ELMO1: variants seen among roughly 807,000 people sequenced by gnomAD.
ELMO1 encodes the protein engulfment and cell motility 1.
A neutral mutation model predicts 98.9 loss-of-function variants in ELMO1; 26 were observed. The observed-to-expected ratio is 0.26, with a 90% confidence interval of 0.19 to 0.36. The LOEUF (loss-of-function observed/expected upper bound fraction) is 0.36, where lower values mean the gene tolerates loss of function less well. Among genes scored for constraint, ELMO1 ranks in the 10% least tolerant of loss-of-function variants. ELMO1 has a pLI of 1.00. For synonymous variants in ELMO1, 346 were observed against 346.0 expected (o/e 1.00, Z 0.00); for missense variants, 627 against 935.2 (o/e 0.67, Z 4.30).
At chr7:37,192,813 A>T (rs1033231752) in intron 13 of ELMO1, among the ~76,000 whole-genome samples, 1 of 147,346 alleles carries the variant, frequency 6.8e-6, no homozygotes, top group Non-Finnish European at 1.5e-5. Flanking sequence ...AAAAAAAAAA[A>T]ATGTGTGTGT....
At chr7:37,384,479 G>A (rs1802709006) in intron 1 of ELMO1, among the ~76,000 whole-genome samples, 1 of 152,144 alleles carries the variant, frequency 6.6e-6, no homozygotes, top group Non-Finnish European at 1.5e-5. Flanking sequence ...CCAGCACTTT[G>A]GGAGGCCGAG....
At chr7:36,934,756 C>T (rs909737428) in intron 16 of ELMO1, among the ~76,000 whole-genome samples, 3 of 152,116 alleles carry the variant, frequency 2.0e-5, no homozygotes, top group Non-Finnish European at 4.4e-5. Context: ...TCTGGTGACA[C>T]TAGAGAAAGC....
intron 4 of ELMO1, among the ~76,000 whole-genome samples, chr7:37,276,559 C>T (rs189553035): frequency 1.6e-4 from 24 of 152,198 alleles, no homozygotes; most frequent in African/African-American, 5.8e-4. Context: ...TGCAGTGAGC[C>T]GAGATTACGC....
At chr7:36,982,073 C>A (rs1316596960) in intron 16 of ELMO1, among the ~76,000 whole-genome samples, 1 of 152,154 alleles carries the variant, frequency 6.6e-6, no homozygotes, top group African/African-American at 2.4e-5. Flanking sequence ...TGTGACTGTG[C>A]AGCTGAATTG....
intron 2 of ELMO1, among the ~76,000 whole-genome samples, chr7:37,337,569 G>T (rs1470519132): frequency 1.3e-5 from 2 of 150,762 alleles, no homozygotes; most frequent in Non-Finnish European, 2.9e-5. Context: ...TGGGGGTTGG[G>T]ATAAGCTGAA....
intron 2 of ELMO1, among the ~76,000 whole-genome samples, chr7:37,337,216 A>T (rs1026557282): frequency 2.6e-5 from 4 of 152,234 alleles, no homozygotes; most frequent in African/African-American, 9.6e-5. Flanking sequence ...AATACTATGC[A>T]GCCATAAAAA....
intron 13 of ELMO1, among the ~76,000 whole-genome samples, chr7:37,178,621 G>GAA (rs11402394): frequency 0.085 from 12,855 of 151,384 alleles, 1,041 homozygotes; most frequent in African/African-American, 0.2. Flanking sequence ...TTTTTAATTA[G>GAA]AAAAAAAACA....
intron 1 of ELMO1, among the ~76,000 whole-genome samples, chr7:37,347,572 T>C (rs1801067595): frequency 6.6e-6 from 1 of 152,140 alleles, no homozygotes; most frequent in Non-Finnish European, 1.5e-5. Context: ...ATCTGATGGC[T>C]TTATAAGGGG....
At chr7:37,171,245 A>G (rs553046222) in intron 13 of ELMO1, among the ~76,000 whole-genome samples, 33 of 152,188 alleles carry the variant, frequency 2.2e-4, no homozygotes, top group African/African-American at 6.0e-4. Context: ...GATACACTCA[A>G]TTCCTTCCTA....
intron 15 of ELMO1, among the ~76,000 whole-genome samples, chr7:37,074,803 G>A (rs1470792884): frequency 6.6e-6 from 1 of 152,162 alleles, no homozygotes; most frequent in African/African-American, 2.4e-5. Flanking sequence ...TTGCAAATGG[G>A]CAAAATGCAA....
intron 16 of ELMO1, among the ~76,000 whole-genome samples, chr7:36,956,495 T>A (rs1243489360): frequency 2.0e-5 from 3 of 152,212 alleles, no homozygotes; most frequent in African/African-American, 7.2e-5. Context: ...TGATCAATCA[T>A]CATGTTATAT....
rs545480306 is a variant in ELMO1, at chr7:37,076,658, C to T, written c.1300+19961G>A. Among the ~76,000 whole-genome samples the T allele has an allele frequency of 6.6e-5, 10 of 152,354 alleles. No homozygotes were observed. In the East Asian group the frequency reaches 1.9e-3, roughly 29 times the overall value. On this transcript the variant is annotated intron_variant, in intron 15 of 21. Transcript: ENST00000310758. ...GTCAGGGGCAGCAAAGAATCTGGGG[C>T]TCCATCCCACATAAAGAGAACAAAG... is the stretch of plus-strand genomic sequence containing the variant.
At chr7:36,861,547 T>C (rs960719535) in intron 21 of ELMO1, 112 bp downstream of exon 21, 1 of 1,255,262 alleles carries the variant, frequency 8.0e-7, no homozygotes, top group Non-Finnish European at 1.1e-6. Context: ...AGATGCCCCT[T>C]GGTTCATCAT....
intron 14 of ELMO1, among the ~76,000 whole-genome samples, chr7:37,120,823 C>T (rs975384044): frequency 6.6e-6 from 1 of 152,202 alleles, no homozygotes; most frequent in Non-Finnish European, 1.5e-5. Flanking sequence ...GGACAGACTG[C>T]CTCCTCAAGT....
intron 1 of ELMO1, among the ~76,000 whole-genome samples, chr7:37,378,808 A>G (rs1031159736): frequency 1.3e-5 from 2 of 151,954 alleles, no homozygotes; most frequent in East Asian, 1.9e-4. Flanking sequence ...CCTTGTGAGT[A>G]TCTCTTCCAA....
intron 1 of ELMO1, among the ~76,000 whole-genome samples, chr7:37,347,757 A>G (rs1215572623): frequency 6.6e-6 from 1 of 152,140 alleles, no homozygotes; most frequent in East Asian, 1.9e-4. Flanking sequence ...ACGGACTAAT[A>G]CAGGCGGTAA....
chr7:36,908,661 T>C (rs1464478233), intron 16 of ELMO1, among the ~76,000 whole-genome samples: 1 of 152,222 alleles, frequency 6.6e-6, no homozygotes, highest in Non-Finnish European at 1.5e-5. Context: ...CATAGTGTAA[T>C]GGCAGTTCTC....
At chr7:37,364,723 C>A (rs1801830641) in intron 1 of ELMO1, among the ~76,000 whole-genome samples, 1 of 152,106 alleles carries the variant, frequency 6.6e-6, no homozygotes. Flanking sequence ...AACTCAAGTG[C>A]TTTTGTGGAT....
At chr7:37,338,883 T>C (rs1800571833) in intron 2 of ELMO1, among the ~76,000 whole-genome samples, 1 of 152,082 alleles carries the variant, frequency 6.6e-6, no homozygotes. Flanking sequence ...CTCCTGGGGA[T>C]TTTTCCTGCT....
Sources: gnomAD v4.1 joint callset for allele counts (sites outside exome capture counted in the v4.1 genomes callset) on GRCh38, gnomAD v4.1.1 for gene constraint, MANE v1.5 for transcripts, NCBI Gene and HGNC (gene_info 2026-07-23, HGNC 2026-07-21) for gene names.